SMUG1: variants seen among roughly 807,000 people sequenced by gnomAD.
SMUG1 encodes the protein single-strand selective monofunctional uracil DNA glycosylase.
Under a neutral mutation model 23.9 loss-of-function variants are expected in SMUG1, and 13 were observed. That is an observed-to-expected ratio of 0.54 (90% CI 0.35 to 0.86). The LOEUF (loss-of-function observed/expected upper bound fraction) is 0.86, where lower values mean the gene tolerates loss of function less well. Ranked by LOEUF, SMUG1 falls within the 40% of genes least tolerant of loss-of-function variation. The probability of loss-of-function intolerance (pLI) is 0.01; values close to 1 mark genes in which losing one functional copy is unlikely to be tolerated. For synonymous variants in SMUG1, 133 were observed against 139.8 expected, an observed-to-expected ratio of 0.95 and a Z score of 0.34; for missense variants, 313 against 339.5, an observed-to-expected ratio of 0.92 and a Z score of 0.61.
downstream of SMUG1, among the ~76,000 whole-genome samples, chr12:54,178,385 A>C (rs1302244397): frequency 6.6e-6 from 1 of 152,256 alleles, no homozygotes; most frequent in African/African-American, 2.4e-5. Context: ...CCTTCAAGTC[A>C]TTCTGGTCAC....
At chr12:54,183,436 G>T in intron 3 of SMUG1, 2 of 586,370 alleles carry the variant, frequency 3.4e-6, no homozygotes. Context: ...CCAGCTCACA[G>T]GGAAAACGAA....
intron 3 of SMUG1, chr12:54,183,411 A>G: frequency 1.7e-6 from 1 of 575,512 alleles, no homozygotes; most frequent in Non-Finnish European, 3.1e-6. Context: ...AAGGGCTCTC[A>G]GAGGCAATTA....
At chr12:54,187,543 C>T (rs1035566496) in intron 2 of SMUG1, among the ~76,000 whole-genome samples, 4 of 152,208 alleles carry the variant, frequency 2.6e-5, no homozygotes, top group Non-Finnish European at 5.9e-5. Context: ...AAGTCTTGAG[C>T]CCACCTTTGA....
intron 2 of SMUG1, among the ~76,000 whole-genome samples, chr12:54,186,492 G>C (rs1346531536): frequency 6.6e-6 from 1 of 152,048 alleles, no homozygotes; most frequent in Non-Finnish European, 1.5e-5. Flanking sequence ...CAGGTGCGCA[G>C]CACCACACCC....
At chr12:54,169,290 G>GCAA (rs1337817501) in intron 3 of SMUG1, among the ~76,000 whole-genome samples, 1 of 152,156 alleles carries the variant, frequency 6.6e-6, no homozygotes, top group African/African-American at 2.4e-5. Flanking sequence ...AGCAGCAGAG[G>GCAA]CAAGATAAAC....
chr12:54,172,258 T>C, intron 2 of SMUG1: 2 of 366,900 alleles, frequency 5.5e-6, no homozygotes, highest in Non-Finnish European at 1.2e-5. Flanking sequence ...TCACTTATTC[T>C]CTTCCCTGAT....
chr12:54,181,852 G>C lies in SMUG1; in HGVS notation c.*244C>G, dbSNP rs1184109036. ...ACCTTCTGCAGATTCCCTACAAAGT[G>C]GGGTCCCCTGAAAGGGGCAATGTTA... On this transcript the variant is annotated 3_prime_UTR_variant, in exon 4 of 4. Coordinates refer to ENST00000682136, the MANE Select transcript of SMUG1 (RefSeq NM_001243787.2). The C allele has an allele frequency of 7.0e-7, 1 of 1,420,668 alleles. No individual in the cohort carries two copies. The highest frequency in any genetic ancestry group is 3.0e-5 in the Admixed American group (1 of 33,814). The allele number at this position is 1,420,668 out of a possible 1,614,324, so 88.0% of individuals were successfully genotyped here. A position where few individuals can be genotyped will look rare whatever the true frequency, so the allele number is the denominator to read the frequency against.
At position 54,181,000 on chromosome 12, in the gene SMUG1, AAAAG is replaced by A. The variant is rs1940979520; in HGVS notation, c.*1092_*1095del. 1 of 152,274 alleles carries A rather than the reference AAAAG, an allele frequency of 6.6e-6. No homozygotes were observed. Among genetic ancestry groups the A allele is most frequent in the African/African-American group, 2.4e-5 (1 of 41,260 alleles). 9.4% of individuals were successfully genotyped at this position (152,274 alleles called of 1,614,324 possible). On this transcript the variant is annotated 3_prime_UTR_variant, in exon 4 of 4. Coordinates refer to ENST00000682136, the MANE Select transcript of SMUG1 (RefSeq NM_001243787.2). ...GAGACTCCATCTCAAAAAAAAAAAA[AAAAG>A]AGAGATCTACTACATCCTTCCCCCA...
At position 54,181,687 on chromosome 12, in the gene SMUG1, A is replaced by T; in HGVS notation, c.*409T>A. 6.3e-7 allele frequency: 1 copy of T among 1,575,138 alleles called. No homozygotes were observed. Among genetic ancestry groups the T allele is most frequent in the Non-Finnish European group, 8.6e-7 (1 of 1,167,018 alleles). On this transcript the variant is annotated 3_prime_UTR_variant, in exon 4 of 4. Transcript: ENST00000682136. The stretch of plus-strand genomic sequence containing the variant: ...GTCAGCTAAAGGTAACTGTTCTATA[A>T]GGATGGGTAGGTATCCTGGCAAGAT...
At chr12:54,187,530 G>A (rs2279400) in intron 2 of SMUG1, among the ~76,000 whole-genome samples, 73,350 of 152,024 alleles carry the variant, frequency 0.48, 18,336 homozygotes, top group Non-Finnish European at 0.54. Context: ...CTAGAATCTC[G>A]AGAAGTCTTG....
chr12:54,182,485 AG>A lies in SMUG1; in HGVS notation c.423del (p.Trp142GlyfsTer87). On this transcript the variant is annotated frameshift_variant, in exon 4 of 4. Coordinates refer to ENST00000682136, the MANE Select transcript of SMUG1 (RefSeq NM_001243787.2). LOFTEE classifies it high-confidence loss of function. Reference sequence around the variant, plus strand: ...CCACAGAGGTTCCGGAAAAAGCCCCAGAATCGGGCACCACTCACTTCTGACT... The same window carrying A: ...CCACAGAGGTTCCGGAAAAAGCCCCAAATCGGGCACCACTCACTTCTGACT... ...CPQSEVSGARFWGFFRNLCGQ... is the reference protein window; with the variant it reads ...CPQSEVSGARXWGFFRNLCGQ... 1 of 1,614,108 alleles carries A rather than the reference AG, an allele frequency of 6.2e-7. No homozygotes were observed. Among genetic ancestry groups the A allele is most frequent in the Non-Finnish European group, 8.5e-7 (1 of 1,180,018 alleles).
In SMUG1 at chr12:54,185,473, AAAATAAAATAAAAAATAAAT is replaced by A. The variant is rs529552013; in HGVS notation, c.-19-1534_-19-1515del. Reference sequence around the variant, plus strand: ...AAAGAGCAAGACTCCATCTCAAAAAAAAATAAAATAAAAAATAAATAAATAAATAAATAAATAAATAAATA... The same window carrying A: ...AAAGAGCAAGACTCCATCTCAAAAAAAAATAAATAAATAAATAAATAAATA... On this transcript the variant is annotated intron_variant, in intron 2 of 3. Transcript: ENST00000682136. 6.0e-3 allele frequency among the ~76,000 whole-genome samples: 545 copies of A among 90,088 alleles called. 57 individuals are homozygous for A. Among genetic ancestry groups the A allele is most frequent in the African/African-American group, 0.02 (528 of 26,812 alleles). The allele number at this position is 90,088 out of a possible 152,430, so 59.1% of individuals were successfully genotyped here. A position where few individuals can be genotyped will look rare whatever the true frequency, so the allele number is the denominator to read the frequency against.
rs779147167 is a variant in SMUG1 at position 54,182,388 on chromosome 12, C to T, written c.521G>A (p.Gly174Glu). Residue 174 changes from glycine to glutamate, a missense_variant, in exon 4 of 4, where the codon GGG becomes GAG. By Grantham distance (98) the Gly-to-Glu change is moderately conservative. Coordinates refer to ENST00000682136, the MANE Select transcript of SMUG1 (RefSeq NM_001243787.2). ...LCPLLFLAPS[G>E]RNLTPAELPA... ...CAGCTCAGCAGGAGTAAGGTTGCGCCCGCTGGGAGCCAGGAAAAGCAGAGG... is the reference window on the plus strand; with the variant it reads ...CAGCTCAGCAGGAGTAAGGTTGCGCTCGCTGGGAGCCAGGAAAAGCAGAGG... 6.2e-7 allele frequency: 1 copy of T among 1,614,154 alleles called. No individual in the cohort carries two copies. The highest frequency in any genetic ancestry group is 1.7e-5 in the Admixed American group (1 of 60,020).
At position 54,182,179 on chromosome 12, in the gene SMUG1, T is replaced by C. The variant is rs369641683; in HGVS notation, c.730A>G (p.Asn244Asp). ...VEGLLHPSPRNPQANKGWEAV... is the reference protein window; with the variant it reads ...VEGLLHPSPRDPQANKGWEAV... ...TCCCAGCCCTTGTTGGCCTGTGGGTTACGGGGAGAGGGATGCAGGAGCCCT... is the reference window on the plus strand; with the variant it reads ...TCCCAGCCCTTGTTGGCCTGTGGGTCACGGGGAGAGGGATGCAGGAGCCCT... The change falls in exon 4 of 4, where the codon AAC (asparagine) becomes GAC (aspartate). Residue 244 changes from asparagine to aspartate, a missense_variant. Coordinates refer to ENST00000682136, the MANE Select transcript of SMUG1 (RefSeq NM_001243787.2). The C allele has an allele frequency of 5.0e-6, 8 of 1,609,576 alleles. No homozygotes were observed. The highest frequency in any genetic ancestry group is 2.2e-5 in the East Asian group (1 of 44,776).
chr12:54,174,830 C>T (rs759549711), intron 2 of SMUG1, among the ~76,000 whole-genome samples: 1 of 152,154 alleles, frequency 6.6e-6, no homozygotes, highest in Non-Finnish European at 1.5e-5. Context: ...AATTCTTTTG[C>T]AGGTGTTTTG....
rs1941817191 is a variant in SMUG1, at chr12:54,184,278, A to G, written c.-19-319T>C. 5 of 224,068 alleles carry G rather than the reference A, an allele frequency of 2.2e-5. No individual in the cohort carries two copies. In the East Asian group the frequency reaches 4.6e-4, roughly 21 times the overall value. The allele number at this position is 224,068 out of a possible 1,614,324, so 13.9% of individuals were successfully genotyped here. ...CTAGTTCCTGGGCTATGCCGAGCAC[A>G]TAGTAGGTTTTCAATAAACATTTAC... On this transcript the variant is annotated intron_variant, in intron 2 of 3. Transcript: ENST00000682136.
At chr12:54,169,206 G>T (rs1311084346) in intron 3 of SMUG1, among the ~76,000 whole-genome samples, 1 of 152,168 alleles carries the variant, frequency 6.6e-6, no homozygotes, top group African/African-American at 2.4e-5. Flanking sequence ...GGCTTCAGAG[G>T]AACATGACTG....
In SMUG1 at chr12:54,182,232, G is replaced by A; in HGVS notation, c.677C>T (p.Ala226Val). The change falls in exon 4 of 4, where the codon GCA becomes GTA. Residue 226 changes from alanine (A) to valine (V), a missense_variant. Ala to Val is a moderately conservative substitution (Grantham distance 64, BLOSUM62 0). Transcript: ENST00000682136. ...LAEQRARRAL[A>V]GLMPEVQVEG... The stretch of plus-strand genomic sequence containing the variant: ...CACCTGGACCTCTGGCATCAGGCCT[G>A]CCAGAGCCCGTCGTGCCCGCTGCTC... The A allele has an allele frequency of 1.2e-6, 2 of 1,612,124 alleles. No homozygotes were observed. Among genetic ancestry groups the A allele is most frequent in the Non-Finnish European group, 1.7e-6 (2 of 1,178,696 alleles).
chr12:54,182,662 G>C, intron 3 of SMUG1, 39 bp from the exon 4 acceptor site: 20 of 1,569,722 alleles, frequency 1.3e-5, no homozygotes, highest in Non-Finnish European at 1.6e-5. Context: ...CTTCAAACTG[G>C]AGACCTGAGG....
Sources: gnomAD v4.1 joint callset for allele counts (sites outside exome capture counted in the v4.1 genomes callset) on GRCh38, gnomAD v4.1.1 for gene constraint, MANE v1.5 for transcripts, NCBI Gene and HGNC (gene_info 2026-07-23, HGNC 2026-07-21) for gene names.